Variants in RANBP2 observed in about 807,000 individuals in gnomAD.
RANBP2 encodes the protein RAN binding protein 2.
In RANBP2, 57 loss-of-function variants were observed where a neutral mutation model predicts 303.6. The observed-to-expected ratio is 0.19, with a 90% CI of 0.15 to 0.23. The LOEUF (loss-of-function observed/expected upper bound fraction) is 0.23, where lower values mean the gene tolerates loss of function less well. Ranked by LOEUF, RANBP2 falls within the 10% of genes least tolerant of loss-of-function variation. The pLI is 1.00. For synonymous variants in RANBP2, 1,167 were observed against 1,301.5 expected, an observed-to-expected ratio of 0.90 and a Z score of 2.23; for missense variants, 3,138 against 3,780.8, an observed-to-expected ratio of 0.83 and a Z score of 4.46.
At chr2:108,904,746 A>G in the RANBP2 span, among the ~76,000 whole-genome samples, 1 of 152,200 alleles carries the variant, frequency 6.6e-6, no homozygotes, top group Non-Finnish European at 1.5e-5. Flanking sequence ...CACTTTTATA[A>G]CACTCTTGAA....
the RANBP2 span, chr2:108,895,622 T>C: frequency 2.0e-5 from 3 of 152,228 alleles, no homozygotes; most frequent in Non-Finnish European, 2.9e-5. Context: ...AGGCCTGGCA[T>C]TTCCTATAGC....
At chr2:109,396,213 G>A in the RANBP2 span, among the ~76,000 whole-genome samples, 2 of 152,212 alleles carry the variant, frequency 1.3e-5, no homozygotes, top group Non-Finnish European at 2.9e-5. Context: ...GCTGTGGGAG[G>A]GAACAGGCAC....
At chr2:108,741,485 T>C (rs1289021676) in intron 7 of RANBP2, among the ~76,000 whole-genome samples, 11 of 122,338 alleles carry the variant, frequency 9.0e-5, no homozygotes, top group African/African-American at 9.3e-5. Context: ...CGCAAGCCAC[T>C]GCGCCTGGCC....
chr2:109,144,872 C>G, the RANBP2 span, among the ~76,000 whole-genome samples: 1,446 of 152,362 alleles, frequency 9.5e-3, 14 homozygotes, highest in Non-Finnish European at 0.014. Flanking sequence ...GAATAGGCCT[C>G]GCTCAGCAAG....
the RANBP2 span, among the ~76,000 whole-genome samples, chr2:109,046,380 T>G: frequency 7.4e-6 from 1 of 135,138 alleles, no homozygotes; most frequent in African/African-American, 2.6e-5. Flanking sequence ...TTTTTTTTTT[T>G]AAACTTACTT....
At chr2:108,800,156 T>C in the RANBP2 span, among the ~76,000 whole-genome samples, 1 of 152,216 alleles carries the variant, frequency 6.6e-6, no homozygotes, top group Non-Finnish European at 1.5e-5. Flanking sequence ...TTTTAGGGTA[T>C]ATTCAAGACC....
chr2:109,404,822 AC>A, the RANBP2 span, among the ~76,000 whole-genome samples: 1 of 152,058 alleles, frequency 6.6e-6, no homozygotes, highest in Non-Finnish European at 1.5e-5. Flanking sequence ...AGCCACAGTT[AC>A]CAATGCCCTG....
the RANBP2 span, among the ~76,000 whole-genome samples, chr2:109,062,836 T>C: frequency 7.5e-6 from 1 of 133,342 alleles, no homozygotes. Context: ...GGTGGAGGGA[T>C]GTGTTGGGGG....
At chr2:109,699,402 G>T in the RANBP2 span, among the ~76,000 whole-genome samples, 2 of 152,128 alleles carry the variant, frequency 1.3e-5, no homozygotes, top group Non-Finnish European at 2.9e-5. Context: ...TATAACTTTT[G>T]ATTTCCTCCA....
the RANBP2 span, chr2:109,347,545 G>C: frequency 3.2e-6 from 4 of 1,245,532 alleles, no homozygotes; most frequent in Non-Finnish European, 2.2e-6. Context: ...TTTTCCACTT[G>C]CGGGGCACTC....
At chr2:109,275,047 A>G in the RANBP2 span, among the ~76,000 whole-genome samples, 1 of 152,234 alleles carries the variant, frequency 6.6e-6, no homozygotes, top group Non-Finnish European at 1.5e-5. Context: ...CCATAATGTA[A>G]AATTGTCCCC....
At chr2:109,578,061 G>T in the RANBP2 span, among the ~76,000 whole-genome samples, 56 of 152,094 alleles carry the variant, frequency 3.7e-4, no homozygotes, top group East Asian at 0.011. Context: ...TTAAGTGAAA[G>T]ATTATGTGTG....
At chr2:109,168,129 G>A in the RANBP2 span, among the ~76,000 whole-genome samples, 80 of 152,276 alleles carry the variant, frequency 5.3e-4, no homozygotes, top group East Asian at 0.012. Flanking sequence ...GTGCCTCCTT[G>A]TTAGGCTTAA....
chr2:109,263,199 A>G, the RANBP2 span, among the ~76,000 whole-genome samples: 1 of 152,148 alleles, frequency 6.6e-6, no homozygotes, highest in Non-Finnish European at 1.5e-5. Context: ...CATTCATACT[A>G]TCTTTTATAA....
At chr2:108,816,437 C>A in the RANBP2 span, among the ~76,000 whole-genome samples, 1 of 152,040 alleles carries the variant, frequency 6.6e-6, no homozygotes, top group East Asian at 1.9e-4. Flanking sequence ...GGCAACAGAG[C>A]AAGACTCTGT....
At chr2:109,161,043 G>A in the RANBP2 span, among the ~76,000 whole-genome samples, 1 of 152,194 alleles carries the variant, frequency 6.6e-6, no homozygotes, top group Non-Finnish European at 1.5e-5. Context: ...GAGAGATGGA[G>A]AGGCAGAAGT....
chr2:109,116,160 G>C, the RANBP2 span, among the ~76,000 whole-genome samples: 3 of 152,118 alleles, frequency 2.0e-5, no homozygotes, highest in South Asian at 4.2e-4. Flanking sequence ...TGTATTTCCT[G>C]AATCTGAATG....
the RANBP2 span, among the ~76,000 whole-genome samples, chr2:109,150,068 C>A: frequency 2.7e-3 from 409 of 152,270 alleles, 3 homozygotes; most frequent in Non-Finnish European, 2.6e-3. Flanking sequence ...CAACGGTCCC[C>A]AGGTGATGCC....
the RANBP2 span, among the ~76,000 whole-genome samples, chr2:109,730,063 C>T: frequency 5.3e-5 from 8 of 152,264 alleles, 1 homozygote; most frequent in South Asian, 1.2e-3. Context: ...TCCCTCAACA[C>T]GTGGGGATTA....
Sources: gnomAD v4.1 joint callset for allele counts (sites outside exome capture counted in the v4.1 genomes callset) on GRCh38, gnomAD v4.1.1 for gene constraint, MANE v1.5 for transcripts, NCBI Gene and HGNC (gene_info 2026-07-23, HGNC 2026-07-21) for gene names.